The following ATP11A variants were observed in gnomAD, a reference collection of about 807,000 sequenced individuals.
ATP11A encodes the protein phospholipid-transporting ATPase IH.
Under a neutral mutation model 154.4 loss-of-function variants are expected in ATP11A, and 81 were observed. The observed-to-expected ratio is 0.52, with a 90% CI of 0.44 to 0.63. The LOEUF (loss-of-function observed/expected upper bound fraction) is 0.63. Among genes scored for constraint, ATP11A ranks in the 30% least tolerant of loss-of-function variants. The pLI is 0.00. For synonymous variants in ATP11A, 623 were observed against 585.9 expected, an observed-to-expected ratio of 1.06 and a Z score of -0.91; for missense variants, 1,316 against 1,474.3, an observed-to-expected ratio of 0.89 and a Z score of 1.76.
chr13:112,705,846 G>A lies in ATP11A; in HGVS notation c.39+15391G>A, dbSNP rs371071545. 3.9e-4 allele frequency among the ~76,000 whole-genome samples: 60 copies of A among 152,272 alleles called. 1 individual carries two copies. The highest frequency in any genetic ancestry group is 1.3e-3 in the African/African-American group (56 of 41,554). ...ATAAAGATGTATTGCTTTATTGAAC[G>A]AATATACAATACATTGATTTATAGG... is the stretch of plus-strand genomic sequence containing the variant. On this transcript the variant is annotated intron_variant, in intron 1 of 29. Coordinates refer to ENST00000375645, the MANE Select transcript of ATP11A (RefSeq NM_015205.3).
chr13:112,719,070 T>G (rs1888843182), intron 1 of ATP11A, among the ~76,000 whole-genome samples: 1 of 152,148 alleles, frequency 6.6e-6, no homozygotes, highest in Non-Finnish European at 1.5e-5. Flanking sequence ...AAGTCCGGCT[T>G]ATTTGAACTG....
At chr13:112,751,217 AGGCATGT>A (rs2076683085) in intron 1 of ATP11A, among the ~76,000 whole-genome samples, 1 of 152,184 alleles carries the variant, frequency 6.6e-6, no homozygotes. Context: ...CTGTGTCGAA[AGGCATGT>A]GTCTTGGTAT....
At chr13:112,723,981 G>A (rs1442935889) in intron 1 of ATP11A, among the ~76,000 whole-genome samples, 2 of 152,162 alleles carry the variant, frequency 1.3e-5, no homozygotes, top group Non-Finnish European at 2.9e-5. Flanking sequence ...CAAGCCTGTC[G>A]TGTGGCGCAG....
chr13:112,709,491 A>G (rs910695564), intron 1 of ATP11A, among the ~76,000 whole-genome samples: 1 of 152,150 alleles, frequency 6.6e-6, no homozygotes, highest in East Asian at 1.9e-4. Flanking sequence ...ATAAAAAGCA[A>G]TTTACAACCT....
At chr13:112,844,507 C>T (rs942666538) in intron 17 of ATP11A, among the ~76,000 whole-genome samples, 1 of 152,178 alleles carries the variant, frequency 6.6e-6, no homozygotes, top group Non-Finnish European at 1.5e-5. Flanking sequence ...AACTCCCACT[C>T]GCTGGAGACC....
At chr13:112,876,411 G>A (rs4907467) in intron 28 of ATP11A, among the ~76,000 whole-genome samples, 65,883 of 151,520 alleles carry the variant, frequency 0.43, 14,868 homozygotes, top group African/African-American at 0.55. Flanking sequence ...TGACGATGCC[G>A]AGTGTCCCCC....
intron 29 of ATP11A, chr13:112,881,427 C>T (rs12585036): frequency 0.2 from 210,355 of 1,045,318 alleles, 22,014 homozygotes; most frequent in South Asian, 0.25. Flanking sequence ...GCCTTTTGTT[C>T]AAGGGTCTCT....
At chr13:112,804,594 A>G (rs975036686) in intron 2 of ATP11A, among the ~76,000 whole-genome samples, 1 of 149,598 alleles carries the variant, frequency 6.7e-6, no homozygotes. Context: ...GCTCGCTGTC[A>G]TGCTCTCACT....
At chr13:112,879,514 A>C (rs1490670557) in intron 29 of ATP11A, among the ~76,000 whole-genome samples, 5 of 152,240 alleles carry the variant, frequency 3.3e-5, no homozygotes, top group African/African-American at 1.2e-4. Context: ...TAAGCATTCT[A>C]ACGATTCATG....
intron 5 of ATP11A, among the ~76,000 whole-genome samples, chr13:112,815,634 T>G (rs1421319943): frequency 6.6e-6 from 1 of 152,242 alleles, no homozygotes; most frequent in Non-Finnish European, 1.5e-5. Flanking sequence ...TTACTTTAGT[T>G]TTTGAAACAT....
intron 5 of ATP11A, among the ~76,000 whole-genome samples, chr13:112,814,712 TCCATGC>T (rs1390138990): frequency 6.6e-6 from 1 of 152,184 alleles, no homozygotes; most frequent in East Asian, 1.9e-4. Flanking sequence ...CCCATTGGTC[TCCATGC>T]CCATGCCCAC....
chr13:112,833,043 T>G lies in ATP11A; in HGVS notation c.1559+20T>G. The G allele has an allele frequency of 6.2e-7, 1 of 1,600,460 alleles. No individual in the cohort carries two copies. Among genetic ancestry groups the G allele is most frequent in the Non-Finnish European group, 8.5e-7 (1 of 1,172,006 alleles). On this transcript the variant is annotated intron_variant, in intron 14 of 29. Transcript: ENST00000375645. ...CCAGAGGTACGTCGCGGGCCAAGGG[T>G]CTGCCTGGGTTTCCTGATGTGACTC...
Position 112,882,901 on chromosome 13 carries a change from C to CG in ATP11A, c.*1040dup. 5.0e-6 allele frequency: 2 copies of CG among 398,840 alleles called. No homozygotes were observed. Among genetic ancestry groups the CG allele is most frequent in the South Asian group, 1.3e-4 (1 of 7,888 alleles). The allele number at this position is 398,840 out of a possible 1,614,324, so 24.7% of individuals were successfully genotyped here. On this transcript the variant is annotated 3_prime_UTR_variant, in exon 30 of 30. Transcript: ENST00000375645. This position sits in a 1 kb window ranked among gnomAD's most constrained non-coding sequence, Gnocchi z 5.1. ...TGCACCAGAACCTGTCTCGGGCTGACGGGGGTGGCACACAGGACACGGGTG... is the reference window on the plus strand; with the variant it reads ...TGCACCAGAACCTGTCTCGGGCTGACGGGGGGTGGCACACAGGACACGGGTG...
chr13:112,756,854 GT>G (rs2076850533), intron 1 of ATP11A, among the ~76,000 whole-genome samples: 3 of 150,504 alleles, frequency 2.0e-5, no homozygotes, highest in African/African-American at 7.4e-5. Flanking sequence ...CCAGCGCGGG[GT>G]CTGCTCCCAG....
intron 25 of ATP11A, among the ~76,000 whole-genome samples, chr13:112,870,829 C>CCG (rs1399151506): frequency 6.6e-6 from 1 of 152,198 alleles, no homozygotes; most frequent in Non-Finnish European, 1.5e-5. Flanking sequence ...TTCCCCAAGG[C>CCG]GGGGGGTGGT....
chr13:112,823,483 C>T (rs375124079), intron 9 of ATP11A, 74 bp downstream of exon 9: 119 of 1,270,298 alleles, frequency 9.4e-5, no homozygotes, highest in South Asian at 4.3e-4. Context: ...AAACCCGCAG[C>T]GGAACCCGAG....
At chr13:112,716,678 G>A (rs1267681156) in intron 1 of ATP11A, among the ~76,000 whole-genome samples, 9 of 152,168 alleles carry the variant, frequency 5.9e-5, no homozygotes, top group Non-Finnish European at 1.0e-4. Context: ...CGATGGGGCC[G>A]GGCCGCTGGA....
At chr13:112,702,609 G>A (rs550941569) in intron 1 of ATP11A, among the ~76,000 whole-genome samples, 32 of 152,228 alleles carry the variant, frequency 2.1e-4, no homozygotes, top group African/African-American at 6.5e-4. Flanking sequence ...GGCCTTGGCC[G>A]GGCTTCTCTC....
At chr13:112,720,576 TGAGACG>T (rs1248587741) in intron 1 of ATP11A, among the ~76,000 whole-genome samples, 2 of 152,084 alleles carry the variant, frequency 1.3e-5, no homozygotes, top group Non-Finnish European at 2.9e-5. Context: ...TTAATTTTTT[TGAGACG>T]GAGTCTCGCT....
Sources: gnomAD v4.1 joint callset for allele counts (sites outside exome capture counted in the v4.1 genomes callset) on GRCh38, gnomAD v4.1.1 for gene constraint, Gnocchi (gnomAD v3.1) non-coding constraint, MANE v1.5 for transcripts, NCBI Gene and HGNC (gene_info 2026-07-23, HGNC 2026-07-21) for gene names.